Variants in AHSA1 observed in about 807,000 individuals in gnomAD.
The protein encoded by AHSA1 is activator of 90 kDa heat shock protein ATPase homolog 1.
In AHSA1, 14 loss-of-function variants were observed where a neutral mutation model predicts 46.1. The observed-to-expected ratio is 0.30, with a 90% CI of 0.20 to 0.47. AHSA1 has a LOEUF of 0.47. Ranked by LOEUF, AHSA1 falls within the 20% of genes least tolerant of loss-of-function variation. The pLI is 0.99. For synonymous variants in AHSA1, 147 were observed against 145.8 expected, an observed-to-expected ratio of 1.01 and a Z score of -0.06; for missense variants, 333 against 415.9, an observed-to-expected ratio of 0.80 and a Z score of 1.73.
At chr14:77,461,313 G>A (rs1594938572) in intron 2 of AHSA1, among the ~76,000 whole-genome samples, 1 of 152,154 alleles carries the variant, frequency 6.6e-6, no homozygotes, top group South Asian at 2.1e-4. Flanking sequence ...GGTGGATCAC[G>A]AGGTCAGGAA....
At chr14:77,461,192 A>C (rs1269813589) in intron 2 of AHSA1, among the ~76,000 whole-genome samples, 1 of 151,864 alleles carries the variant, frequency 6.6e-6, no homozygotes, top group Non-Finnish European at 1.5e-5. Context: ...TACTACAATA[A>C]ATATGGTGCT....
chr14:77,468,100 C>G lies in AHSA1; in HGVS notation c.708C>G (p.Thr236=). The G allele has an allele frequency of 6.7e-7, 1 of 1,500,632 alleles. No homozygotes were observed. Among genetic ancestry groups the G allele is most frequent in the Non-Finnish European group, 9.0e-7 (1 of 1,105,160 alleles). 93.0% of individuals were successfully genotyped at this position (1,500,632 alleles called of 1,614,324 possible). The change falls in exon 7 of 9, where the codon ACC becomes ACG. Residue 236 remains threonine (T), a synonymous_variant. Coordinates refer to ENST00000216479, the MANE Select transcript of AHSA1 (RefSeq NM_012111.3). The part of the protein sequence containing the change: ...FTTQELVQAF[T]HAPATLEADR... ...CCCTGCAGCTGGTGCAGGCCTTTAC[C>G]CATGCTCCTGCAACATTAGAAGCAG...
chr14:77,468,113 A>G lies in AHSA1; in HGVS notation c.721A>G (p.Thr241Ala), dbSNP rs1202202549. 3 of 1,552,786 alleles carry G rather than the reference A, an allele frequency of 1.9e-6. No homozygotes were observed. The highest frequency in any genetic ancestry group is 2.6e-6 in the Non-Finnish European group (3 of 1,147,974). The change falls in exon 7 of 9, where the codon ACA becomes GCA. Residue 241 changes from threonine (T) to alanine (A), a missense_variant. Coordinates refer to ENST00000216479, the MANE Select transcript of AHSA1 (RefSeq NM_012111.3). The part of the protein sequence containing the change: ...LVQAFTHAPA[T>A]LEADRGGKFH... ...GCAGGCCTTTACCCATGCTCCTGCA[A>G]CATTAGAAGCAGACAGAGGTGGAAA...
rs2079012553 is a variant in AHSA1 at position 77,459,609 on chromosome 14, T to A, written c.81-7T>A. 3 of 1,614,010 alleles carry A rather than the reference T, an allele frequency of 1.9e-6. No homozygotes were observed. Among genetic ancestry groups the A allele is most frequent in the African/African-American group, 2.7e-5 (2 of 74,920 alleles). On this transcript the variant is annotated splice_polypyrimidine_tract_variant and splice_region_variant and intron_variant, in intron 1 of 8. Transcript: ENST00000216479. ...TGCTGGTTCATAGCTCTGTTTCTGC[T>A]TTGCAGGACGGAGAGAGATGCTTCA...
intron 1 of AHSA1, 105 bp from the exon 2 acceptor site, chr14:77,459,511 C>T: frequency 8.3e-7 from 1 of 1,199,158 alleles, no homozygotes. Flanking sequence ...TTTTTGTGTT[C>T]TTTTCAAACT....
At chr14:77,467,707 AT>A (rs1485175761) in intron 6 of AHSA1, among the ~76,000 whole-genome samples, 16 of 55,556 alleles carry the variant, frequency 2.9e-4, no homozygotes, top group Middle Eastern at 7.5e-3. Context: ...AAATAAAAAA[AT>A]AAAATAAAAT....
Position 77,467,376 on chromosome 14 carries a change from G to A in AHSA1, c.691-707G>A, listed in dbSNP as rs147680232. ...ATCATGCCACTGCACTTCGGCCTGGGCAACAGAGCGAGACCTATCTCAAAA... is the reference window on the plus strand; with the variant it reads ...ATCATGCCACTGCACTTCGGCCTGGACAACAGAGCGAGACCTATCTCAAAA... On this transcript the variant is annotated intron_variant, in intron 6 of 8. Transcript: ENST00000216479. 8.2e-3 allele frequency among the ~76,000 whole-genome samples: 1,241 copies of A among 152,146 alleles called. 15 individuals carry two copies. Among genetic ancestry groups the A allele is most frequent in the African/African-American group, 0.028 (1,178 of 41,490 alleles).
chr14:77,462,151 T>C lies in AHSA1; in HGVS notation c.272-9T>C, dbSNP rs757888665. ...GAGTGGACTAATGACATTGCATTGG[T>C]TTTGACAGGTACTTCTAAGTCAGGA... On this transcript the variant is annotated splice_polypyrimidine_tract_variant and intron_variant, in intron 2 of 8. Coordinates refer to ENST00000216479, the MANE Select transcript of AHSA1 (RefSeq NM_012111.3). 6.2e-7 allele frequency: 1 copy of C among 1,602,462 alleles called. No homozygotes were observed. Among genetic ancestry groups the C allele is most frequent in the Middle Eastern group, 1.7e-4 (1 of 6,042 alleles).
rs182483795 is a variant in AHSA1, at chr14:77,460,941, C to T, written c.271+1135C>T. Among the ~76,000 whole-genome samples, 730 of 151,934 alleles carry T rather than the reference C, an allele frequency of 4.8e-3. 2 individuals carry two copies. Among genetic ancestry groups the T allele is most frequent in the African/African-American group, 0.016 (678 of 41,418 alleles). The stretch of plus-strand genomic sequence containing the variant: ...TTGGGAGGCCAAGGTGGGCGGATCA[C>T]GAGGTCAGGAGATCAAGACCATCCT... On this transcript the variant is annotated intron_variant, in intron 2 of 8. Transcript: ENST00000216479.
At chr14:77,468,721 C>CTTTA (rs2079059358) in intron 8 of AHSA1, 1 of 198,280 alleles carries the variant, frequency 5.0e-6, no homozygotes, top group African/African-American at 4.8e-5. Context: ...ACCATGCCAG[C>CTTTA]TTTTTTTTTT....
At chr14:77,457,922 G>A, upstream of AHSA1, 1 of 501,732 alleles carries the variant, frequency 2.0e-6, no homozygotes, top group East Asian at 3.4e-5. Context: ...TGGGTTTCGG[G>A]ACGCTTTTTG....
At chr14:77,464,801 A>C (rs1031919272) in intron 5 of AHSA1, 115 bp downstream of exon 5, 1 of 853,890 alleles carries the variant, frequency 1.2e-6, no homozygotes, top group Non-Finnish European at 1.8e-6. Flanking sequence ...CCAGCCTGCG[A>C]TCTGCTCATG....
intron 1 of AHSA1, among the ~76,000 whole-genome samples, chr14:77,458,567 T>C (rs79100070): frequency 0.03 from 4,570 of 152,322 alleles, 225 homozygotes; most frequent in African/African-American, 0.1. Flanking sequence ...GAGGTGCTTA[T>C]TACACGTGGC....
At position 77,458,260 on chromosome 14, in the gene AHSA1, A is replaced by C; in HGVS notation, c.71A>C (p.Asn24Thr). The change falls in exon 1 of 9, where the codon AAC becomes ACC. Residue 24 changes from asparagine to threonine, a missense_variant. Asn to Thr is a moderately conservative substitution (Grantham distance 65, BLOSUM62 0). Coordinates refer to ENST00000216479, the MANE Select transcript of AHSA1 (RefSeq NM_012111.3). ...EERADATNVNNWHWTERDASN... is the reference protein window; with the variant it reads ...EERADATNVNTWHWTERDASN... The stretch of plus-strand genomic sequence containing the variant: ...CGGGCGGACGCCACCAACGTCAACA[A>C]CTGGCACTGGTGAGGGCCAGAAAAG... The C allele has an allele frequency of 6.5e-7, 1 of 1,547,810 alleles. No individual in the cohort carries two copies. Among genetic ancestry groups the C allele is most frequent in the Non-Finnish European group, 8.7e-7 (1 of 1,145,732 alleles).
At chr14:77,462,409 C>A in intron 3 of AHSA1, 167 bp downstream of exon 3, 2 of 742,342 alleles carry the variant, frequency 2.7e-6, no homozygotes, top group Non-Finnish European at 2.2e-6. Flanking sequence ...ACTTCTAGAG[C>A]AATTTGCACT....
Position 77,469,221 on chromosome 14 carries a change from C to A in AHSA1, c.989C>A (p.Thr330Asn), listed in dbSNP as rs944735367. 2.5e-6 allele frequency: 4 copies of A among 1,614,052 alleles called. No individual in the cohort carries two copies. Among genetic ancestry groups the A allele is most frequent in the Non-Finnish European group, 3.4e-6 (4 of 1,180,002 alleles). Residue 330 changes from threonine to asparagine, a missense_variant, in exon 9 of 9, where the codon ACC becomes AAC. By Grantham distance (65) the Thr-to-Asn change is moderately conservative. Coordinates refer to ENST00000216479, the MANE Select transcript of AHSA1 (RefSeq NM_012111.3). ...QRYYFEGIKQ[T>N]FGYGARLF ...TACTACTTTGAGGGCATTAAACAGA[C>A]CTTTGGCTATGGCGCACGCTTATTT...
intron 5 of AHSA1, 29 bp downstream of exon 5, chr14:77,464,715 G>A (rs2079040550): frequency 6.3e-7 from 1 of 1,593,508 alleles, no homozygotes. Context: ...GTGGGAGACT[G>A]TCTGCAAAGG....
At chr14:77,460,847 C>T (rs2079019375) in intron 2 of AHSA1, among the ~76,000 whole-genome samples, 1 of 151,714 alleles carries the variant, frequency 6.6e-6, no homozygotes, top group East Asian at 1.9e-4. Flanking sequence ...TAGTTTTGTG[C>T]ACATTAAATG....
chr14:77,469,359 G>A lies in AHSA1; in HGVS notation c.*110G>A, dbSNP rs1221784058. Reference sequence around the variant, plus strand: ...GTCCCAGCTGCTAACTTGGGGCCGGGGCCCCTCCCTTCCACATATACCTTG... The same window carrying A: ...GTCCCAGCTGCTAACTTGGGGCCGGAGCCCCTCCCTTCCACATATACCTTG... On this transcript the variant is annotated 3_prime_UTR_variant, in exon 9 of 9. Transcript: ENST00000216479. 13 of 1,407,438 alleles carry A rather than the reference G, an allele frequency of 9.2e-6. No homozygotes were observed. The African/African-American group carries it at 1.0e-4, about 11-fold the overall frequency. The allele number at this position is 1,407,438 out of a possible 1,614,324, so 87.2% of individuals were successfully genotyped here. A position where few individuals can be genotyped will look rare whatever the true frequency, so the allele number is the denominator to read the frequency against.
Sources: allele counts gnomAD v4.1 joint callset (sites outside exome capture counted in the v4.1 genomes callset), GRCh38; gene constraint gnomAD v4.1.1; transcripts MANE v1.5; gene names NCBI Gene and HGNC (gene_info 2026-07-23, HGNC 2026-07-21).